Variants in IGSF5 observed in about 807,000 individuals in gnomAD.
IGSF5 encodes immunoglobulin superfamily member 5, also known as immunoglobulin superfamily 5 like.
Under a neutral mutation model 39.4 loss-of-function variants are expected in IGSF5, and 41 were observed. The ratio of observed to expected loss-of-function variants is 1.04; its 90% CI spans 0.81 to 1.35. The LOEUF is 1.35. Ranked by LOEUF, IGSF5 falls within the 40% of genes most tolerant of loss-of-function variation. The pLI is 0.00. For synonymous variants in IGSF5, 183 were observed against 175.3 expected (o/e 1.04, Z -0.34); for missense variants, 487 against 494.6 (o/e 0.98, Z 0.15).
chr21:39,735,683 G>C, the IGSF5 span, among the ~76,000 whole-genome samples: 5 of 152,176 alleles, frequency 3.3e-5, no homozygotes, highest in Non-Finnish European at 5.9e-5. Flanking sequence ...TGTTACAAGA[G>C]ATTCAATGGA....
chr21:39,731,482 G>A, the IGSF5 span, among the ~76,000 whole-genome samples: 1 of 152,194 alleles, frequency 6.6e-6, no homozygotes, highest in Non-Finnish European at 1.5e-5. Context: ...GAGCAAAAGG[G>A]ATATGATTTG....
In IGSF5 at chr21:39,801,248, T is replaced by A; in HGVS notation, c.1129-14T>A. ...CAACCCATTAAATTGACTTTTTTCC[T>A]CCTCTGTTGCCAGCGGGCTGATCAA... On this transcript the variant is annotated splice_polypyrimidine_tract_variant and intron_variant, in intron 8 of 8. Coordinates refer to ENST00000380588, the MANE Select transcript of IGSF5 (RefSeq NM_001080444.2). The A allele has an allele frequency of 6.2e-7, 1 of 1,610,530 alleles. No homozygotes were observed. Among genetic ancestry groups the A allele is most frequent in the Non-Finnish European group, 8.5e-7 (1 of 1,177,088 alleles).
intron 3 of IGSF5, 21 bp downstream of exon 3, chr21:39,765,873 T>C: frequency 6.3e-7 from 1 of 1,598,864 alleles, no homozygotes; most frequent in East Asian, 2.3e-5. Flanking sequence ...AGGTGGCTTC[T>C]GAAGTCCATC....
chr21:39,775,692 C>T (rs901249986), intron 4 of IGSF5, among the ~76,000 whole-genome samples: 2 of 152,088 alleles, frequency 1.3e-5, no homozygotes, highest in Non-Finnish European at 2.9e-5. Flanking sequence ...GCAGTGTTGA[C>T]CTTGGAGCTA....
intron 4 of IGSF5, among the ~76,000 whole-genome samples, chr21:39,775,125 G>A (rs2080133318): frequency 6.6e-6 from 1 of 151,202 alleles, no homozygotes; most frequent in Non-Finnish European, 1.5e-5. Context: ...AGCCAGGATT[G>A]GGGGCTACTG....
At chr21:39,714,916 A>C in the IGSF5 span, among the ~76,000 whole-genome samples, 2 of 152,138 alleles carry the variant, frequency 1.3e-5, no homozygotes, top group African/African-American at 4.8e-5. Flanking sequence ...GGTTCTACCA[A>C]CTGTCAAGTG....
At chr21:39,760,223 C>A (rs952577637) in intron 2 of IGSF5, among the ~76,000 whole-genome samples, 1 of 152,146 alleles carries the variant, frequency 6.6e-6, no homozygotes, top group Non-Finnish European at 1.5e-5. Context: ...TTTATTCACT[C>A]AGTACATATT....
chr21:39,757,213 G>A (rs973520848), intron 2 of IGSF5, among the ~76,000 whole-genome samples: 1 of 152,056 alleles, frequency 6.6e-6, no homozygotes, highest in Non-Finnish European at 1.5e-5. Context: ...TCCTTGCCCT[G>A]TTTCTCCCCA....
At chr21:39,729,259 G>A in the IGSF5 span, 13 of 152,324 alleles carry the variant, frequency 8.5e-5, no homozygotes, top group Admixed American at 7.2e-4. Context: ...CCAGTAGAAA[G>A]GTGAGAAAAG....
the IGSF5 span, among the ~76,000 whole-genome samples, chr21:39,721,568 T>G: frequency 6.6e-6 from 1 of 152,310 alleles, no homozygotes; most frequent in Middle Eastern, 3.4e-3. Flanking sequence ...AAATTAATGT[T>G]AATCACATCT....
the IGSF5 span, among the ~76,000 whole-genome samples, chr21:39,736,248 A>T: frequency 6.6e-6 from 1 of 152,112 alleles, no homozygotes; most frequent in Non-Finnish European, 1.5e-5. Flanking sequence ...TTCCTCAGGG[A>T]TTCCCAGGGC....
At chr21:39,753,689 A>G (rs1282655152) in intron 2 of IGSF5, among the ~76,000 whole-genome samples, 1 of 151,548 alleles carries the variant, frequency 6.6e-6, no homozygotes, top group Non-Finnish European at 1.5e-5. Flanking sequence ...TAGGATTGTA[A>G]TATCTTCTTG....
At chr21:39,715,156 C>T in the IGSF5 span, among the ~76,000 whole-genome samples, 3 of 152,000 alleles carry the variant, frequency 2.0e-5, no homozygotes, top group African/African-American at 7.3e-5. Flanking sequence ...CTCACTCTGT[C>T]ACCCAGGCTG....
the IGSF5 span, chr21:39,729,593 G>A: frequency 2.6e-5 from 4 of 152,266 alleles, no homozygotes; most frequent in African/African-American, 9.7e-5. Context: ...TTCCTTCCTG[G>A]TGGAGATTGC....
intron 8 of IGSF5, among the ~76,000 whole-genome samples, chr21:39,800,894 A>G (rs1179910768): frequency 1.3e-5 from 2 of 152,240 alleles, no homozygotes; most frequent in African/African-American, 2.4e-5. Context: ...CCCCTGTTCT[A>G]GAAACAATGC....
chr21:39,794,647 C>A (rs141450363), intron 8 of IGSF5, among the ~76,000 whole-genome samples: 140 of 152,230 alleles, frequency 9.2e-4, no homozygotes, highest in African/African-American at 3.3e-3. Context: ...TATTTCAATG[C>A]GATTCTGTGA....
chr21:39,714,136 C>T, the IGSF5 span, among the ~76,000 whole-genome samples: 7 of 152,366 alleles, frequency 4.6e-5, no homozygotes, highest in African/African-American at 1.7e-4. Flanking sequence ...TCATCGGTTG[C>T]TTGGCTGTGT....
At chr21:39,748,781 T>G (rs879632501) in intron 2 of IGSF5, among the ~76,000 whole-genome samples, 2 of 150,096 alleles carry the variant, frequency 1.3e-5, no homozygotes, top group Non-Finnish European at 3.0e-5. Flanking sequence ...ATAATTTTTT[T>G]ATTTTAATGG....
At chr21:39,782,811 C>T (rs1262456421) in intron 5 of IGSF5, among the ~76,000 whole-genome samples, 2 of 152,174 alleles carry the variant, frequency 1.3e-5, no homozygotes, top group Non-Finnish European at 2.9e-5. Flanking sequence ...TGCTGCAGAA[C>T]ACTGAAACTT....
Sources: allele counts gnomAD v4.1 joint callset (sites outside exome capture counted in the v4.1 genomes callset), GRCh38; gene constraint gnomAD v4.1.1; transcripts MANE v1.5; gene names NCBI Gene and HGNC (gene_info 2026-07-23, HGNC 2026-07-21).